The following PTPRK variants were observed in gnomAD, a reference collection of about 807,000 sequenced individuals.
PTPRK encodes protein tyrosine phosphatase receptor type K, also known as receptor-type tyrosine-protein phosphatase kappa.
PTPRK carries 75 observed loss-of-function variants against 178.0 expected under a neutral mutation model. The ratio of observed to expected loss-of-function variants is 0.42; its 90% CI spans 0.35 to 0.51. The LOEUF (loss-of-function observed/expected upper bound fraction) is 0.51, where lower values mean the gene tolerates loss of function less well. Ranked by LOEUF, PTPRK falls within the 20% of genes least tolerant of loss-of-function variation. The pLI, the probability that PTPRK is intolerant of heterozygous loss-of-function variation, is 0.02. For synonymous variants in PTPRK, 637 were observed against 620.6 expected (o/e 1.03, Z -0.39); for missense variants, 1,441 against 1,797.8 (o/e 0.80, Z 3.59).
intron 6 of PTPRK, among the ~76,000 whole-genome samples, chr6:128,200,943 A>C (rs1562779398): frequency 6.9e-6 from 1 of 145,408 alleles, no homozygotes; most frequent in Non-Finnish European, 1.5e-5. Flanking sequence ...GGGAAGGGAC[A>C]GAGAGTCCAA....
intron 7 of PTPRK, among the ~76,000 whole-genome samples, chr6:128,162,184 C>T (rs1279887568): frequency 6.6e-6 from 1 of 151,640 alleles, no homozygotes; most frequent in Non-Finnish European, 1.5e-5. Context: ...ATAAGACTTA[C>T]ATTTTACAAG....
intron 2 of PTPRK, among the ~76,000 whole-genome samples, chr6:128,383,484 A>C (rs1393949666): frequency 6.6e-6 from 1 of 152,176 alleles, no homozygotes; most frequent in Non-Finnish European, 1.5e-5. Context: ...CATTAACAAC[A>C]GTTAAATTCA....
chr6:128,302,610 A>AAAT lies in PTPRK; in HGVS notation c.495+19428_495+19429insATT, dbSNP rs1191825264. Among the ~76,000 whole-genome samples, 842 of 152,058 alleles carry AAAT rather than the reference A, an allele frequency of 5.5e-3. 4 individuals carry two copies. Among genetic ancestry groups the AAAT allele is most frequent in the South Asian group, 0.024 (117 of 4,818 alleles). On this transcript the variant is annotated intron_variant, in intron 3 of 29. Transcript: ENST00000368226. ...GTCTTACCTGTTCCTTTCTTGAAAC[A>AAAT]TTCTCTTCCTTTAAATTTCCTGTTA...
chr6:128,225,992 A>G (rs900591021), intron 5 of PTPRK, among the ~76,000 whole-genome samples: 1 of 152,194 alleles, frequency 6.6e-6, no homozygotes, highest in African/African-American at 2.4e-5. Context: ...AAAGTCAGCT[A>G]TTCAACAAGA....
At chr6:128,021,563 C>T (rs978456144) in intron 13 of PTPRK, among the ~76,000 whole-genome samples, 2 of 152,176 alleles carry the variant, frequency 1.3e-5, no homozygotes, top group Non-Finnish European at 2.9e-5. Context: ...TGGTGTGAAC[C>T]CGGGAGGCGG....
chr6:128,225,894 G>T (rs1811211505), intron 5 of PTPRK, among the ~76,000 whole-genome samples: 1 of 152,132 alleles, frequency 6.6e-6, no homozygotes, highest in South Asian at 2.1e-4. Context: ...AAGAGGTGGT[G>T]AATATTATAA....
chr6:127,980,070 G>C (rs1034554271), intron 25 of PTPRK, among the ~76,000 whole-genome samples: 15 of 152,160 alleles, frequency 9.9e-5, no homozygotes, highest in South Asian at 8.3e-4. Flanking sequence ...CAGTACTTTG[G>C]GGGGCCGAGG....
At chr6:128,115,219 G>A (rs1180850926) in intron 7 of PTPRK, among the ~76,000 whole-genome samples, 1 of 152,090 alleles carries the variant, frequency 6.6e-6, no homozygotes, top group Admixed American at 6.6e-5. Flanking sequence ...ACTGGACACA[G>A]TCATTTACTC....
intron 1 of PTPRK, among the ~76,000 whole-genome samples, chr6:128,405,152 C>T (rs1841505625): frequency 6.6e-6 from 1 of 152,148 alleles, no homozygotes; most frequent in African/African-American, 2.4e-5. Context: ...AGCTAATTAA[C>T]TAAAATTTCT....
intron 6 of PTPRK, among the ~76,000 whole-genome samples, chr6:128,209,599 AT>A (rs1319964829): frequency 1.3e-5 from 2 of 151,956 alleles, no homozygotes; most frequent in Non-Finnish European, 2.9e-5. Flanking sequence ...ATACCTCACT[AT>A]TTTTGTTTTT....
chr6:128,088,086 A>G (rs1352783065), intron 8 of PTPRK, among the ~76,000 whole-genome samples: 2 of 152,180 alleles, frequency 1.3e-5, no homozygotes, highest in Non-Finnish European at 2.9e-5. Flanking sequence ...CTCAAATAAA[A>G]ATGTAGCCCC....
At chr6:128,472,033 G>A (rs931200543) in intron 1 of PTPRK, among the ~76,000 whole-genome samples, 5 of 151,944 alleles carry the variant, frequency 3.3e-5, no homozygotes, top group African/African-American at 9.7e-5. Flanking sequence ...AGAAGAGGGT[G>A]GAGAATGGAA....
chr6:128,301,090 A>T (rs1284303690), intron 3 of PTPRK, among the ~76,000 whole-genome samples: 1 of 152,186 alleles, frequency 6.6e-6, no homozygotes, highest in Non-Finnish European at 1.5e-5. Flanking sequence ...AAGTACTGAA[A>T]ATAGTGCCTG....
At chr6:128,065,163 C>A (rs1781539212) in intron 12 of PTPRK, among the ~76,000 whole-genome samples, 1 of 152,116 alleles carries the variant, frequency 6.6e-6, no homozygotes, top group Non-Finnish European at 1.5e-5. Flanking sequence ...TAATTTTCAT[C>A]TGAGAACTGT....
rs1382958056 is a variant in PTPRK, at chr6:127,969,043, A to T, written c.*1184T>A. ...CACACTTTTTATAGTCAGAACGCAA[A>T]GCTTGTGCATGTAAACATCAAGAGA... On this transcript the variant is annotated 3_prime_UTR_variant, in exon 30 of 30. Coordinates refer to ENST00000368226, the MANE Select transcript of PTPRK (RefSeq NM_002844.4). The T allele has an allele frequency of 6.6e-6, 1 of 152,220 alleles. No individual in the cohort carries two copies. Among genetic ancestry groups the T allele is most frequent in the East Asian group, 1.9e-4 (1 of 5,190 alleles). 9.4% of individuals were successfully genotyped at this position (152,220 alleles called of 1,614,324 possible).
chr6:128,025,496 C>T (rs1582570388), intron 13 of PTPRK, among the ~76,000 whole-genome samples: 1 of 152,334 alleles, frequency 6.6e-6, no homozygotes, highest in African/African-American at 2.4e-5. Flanking sequence ...GACTTAACAA[C>T]TGCATCTAAA....
intron 1 of PTPRK, among the ~76,000 whole-genome samples, chr6:128,406,118 C>T (rs917005861): frequency 2.6e-5 from 4 of 151,760 alleles, no homozygotes; most frequent in African/African-American, 9.7e-5. Flanking sequence ...AAAAAATTAG[C>T]CAAGCATGGT....
rs185213451 is a variant in PTPRK at position 128,496,667 on chromosome 6, T to C, written c.100+23592A>G. ...CAGTTTGATCATTAGTAACAACATA[T>C]GCAGCTTTTTAAATTATTAGCATCC... On this transcript the variant is annotated intron_variant, in intron 1 of 29. Transcript: ENST00000368226. 2.4e-4 allele frequency among the ~76,000 whole-genome samples: 37 copies of C among 152,318 alleles called. No homozygotes were observed. The East Asian group carries it at 6.9e-3, about 29-fold the overall frequency.
At chr6:128,415,504 G>GAAA (rs11373222) in intron 1 of PTPRK, among the ~76,000 whole-genome samples, 3 of 143,956 alleles carry the variant, frequency 2.1e-5, no homozygotes, top group Non-Finnish European at 1.5e-5. Context: ...TATGCAGTGA[G>GAAA]AAAAAAAAAA....
Sources: gnomAD v4.1 joint callset for allele counts (sites outside exome capture counted in the v4.1 genomes callset) on GRCh38, gnomAD v4.1.1 for gene constraint, MANE v1.5 for transcripts, NCBI Gene and HGNC (gene_info 2026-07-23, HGNC 2026-07-21) for gene names.